Variants in PSEN1 observed in about 807,000 individuals in gnomAD.
PSEN1 encodes presenilin-1.
Under a neutral mutation model 53.5 loss-of-function variants are expected in PSEN1, and 15 were observed. The ratio of observed to expected loss-of-function variants is 0.28; its 90% CI spans 0.19 to 0.43. The LOEUF (loss-of-function observed/expected upper bound fraction) is 0.43. PSEN1 is among the 20% of genes least tolerant of loss of function. The pLI is 1.00. For missense variants in PSEN1, 387 were observed against 571.2 expected (o/e 0.68, Z 3.29); for synonymous variants, 208 against 209.8 (o/e 0.99, Z 0.08).
chr14:73,219,067 T>C, intron 11 of PSEN1, 67 bp from the exon 12 acceptor site: 4 of 1,534,970 alleles, frequency 2.6e-6, no homozygotes, highest in Non-Finnish European at 3.6e-6. Flanking sequence ...AGACTTGTGA[T>C]TGAGTTTTGC....
At chr14:73,210,718 A>G (rs1360635392) in intron 9 of PSEN1, among the ~76,000 whole-genome samples, 2 of 152,180 alleles carry the variant, frequency 1.3e-5, no homozygotes, top group African/African-American at 2.4e-5. Flanking sequence ...CAAAACTATC[A>G]ATACAAAATT....
intron 10 of PSEN1, among the ~76,000 whole-genome samples, chr14:73,216,771 A>T (rs930355910): frequency 8.5e-5 from 13 of 152,188 alleles, no homozygotes; most frequent in South Asian, 8.3e-4. Flanking sequence ...AAAAAAAAAA[A>T]ATATTAATTA....
At chr14:73,138,136 A>G (rs1896800501) in intron 1 of PSEN1, 1 of 151,624 alleles carries the variant, frequency 6.6e-6, no homozygotes. Context: ...TAGCATGCAG[A>G]CTGGGAGAAC....
intron 3 of PSEN1, among the ~76,000 whole-genome samples, chr14:73,151,895 T>TA (rs1491464395): frequency 2.7e-3 from 29 of 10,906 alleles, no homozygotes; most frequent in South Asian, 0.019. Context: ...TATATATATA[T>TA]TTTTTTTTTT....
chr14:73,201,506 AC>A lies in PSEN1; in HGVS notation c.868+3379del, dbSNP rs1899188341. 2.0e-5 allele frequency among the ~76,000 whole-genome samples: 3 copies of A among 152,308 alleles called. No homozygotes were observed. The South Asian group carries it at 6.2e-4, about 32-fold the overall frequency. ...AGAGCAGTTTCAGTAGAGTGATAGA[AC>A]CAGAAGCAGTACTCCAAAGGGAAGG... On this transcript the variant is annotated intron_variant, in intron 8 of 11. Coordinates refer to ENST00000324501, the MANE Select transcript of PSEN1 (RefSeq NM_000021.4).
At chr14:73,214,430 T>A (rs1379702643) in intron 10 of PSEN1, among the ~76,000 whole-genome samples, 1 of 151,246 alleles carries the variant, frequency 6.6e-6, no homozygotes, top group Non-Finnish European at 1.5e-5. Flanking sequence ...CTCAGGAGGC[T>A]GAGGCAGGAG....
At chr14:73,192,262 A>T (rs1439802898) in intron 6 of PSEN1, among the ~76,000 whole-genome samples, 1 of 151,790 alleles carries the variant, frequency 6.6e-6, no homozygotes, top group Non-Finnish European at 1.5e-5. Flanking sequence ...ACATGTTGAA[A>T]CCCTATCTGT....
At chr14:73,180,248 G>A (rs1024635207) in intron 5 of PSEN1, among the ~76,000 whole-genome samples, 2 of 152,184 alleles carry the variant, frequency 1.3e-5, no homozygotes, top group Admixed American at 1.3e-4. Flanking sequence ...GCCTCCCAAA[G>A]TGCTGGGACT....
intron 5 of PSEN1, among the ~76,000 whole-genome samples, chr14:73,183,292 ATT>A (rs34194809): frequency 2.5e-3 from 368 of 148,248 alleles, no homozygotes; most frequent in South Asian, 4.2e-3. Context: ...TAATTTTTGT[ATT>A]TTTTTTTTTT....
chr14:73,149,356 C>T (rs1040993324), intron 3 of PSEN1, among the ~76,000 whole-genome samples: 3 of 151,492 alleles, frequency 2.0e-5, no homozygotes, highest in Admixed American at 2.0e-4. Context: ...AGTTATGGTA[C>T]ATCTGGGCTG....
chr14:73,157,994 A>C (rs1237935831), intron 3 of PSEN1, among the ~76,000 whole-genome samples: 3 of 152,010 alleles, frequency 2.0e-5, no homozygotes, highest in African/African-American at 4.8e-5. Context: ...TAAAAAAAAA[A>C]CAAAACATAC....
Position 73,211,836 on chromosome 14 carries a change from A to G in PSEN1, c.1023A>G (p.Glu341=). 2 of 1,614,116 alleles carry G rather than the reference A, an allele frequency of 1.2e-6. No homozygotes were observed. The highest frequency in any genetic ancestry group is 1.7e-6 in the Non-Finnish European group (2 of 1,179,992). The part of the protein sequence containing the change: ...NDDGGFSEEW[E]AQRDSHLGPH... ...ATGGCGGGTTCAGTGAGGAATGGGA[A>G]GCCCAGAGGGACAGTCATCTAGGGC... Residue 341 remains glutamate, a synonymous_variant, in exon 10 of 12, where the codon GAA becomes GAG. Transcript: ENST00000324501.
chr14:73,206,032 G>C (rs1288045983), intron 8 of PSEN1: 1 of 262,728 alleles, frequency 3.8e-6, no homozygotes, highest in Non-Finnish European at 7.4e-6. Flanking sequence ...GCTTTTGTGA[G>C]CTCCAGTTTG....
At chr14:73,165,774 G>C (rs1396209825) in intron 3 of PSEN1, among the ~76,000 whole-genome samples, 1 of 145,340 alleles carries the variant, frequency 6.9e-6, no homozygotes, top group African/African-American at 2.5e-5. Flanking sequence ...AAGGTAGTGT[G>C]TGGCCGGGCG....
chr14:73,219,151 A>G lies in PSEN1; in HGVS notation c.1266A>G (p.Leu422=). 1 of 1,614,086 alleles carries G rather than the reference A, an allele frequency of 6.2e-7. No individual in the cohort carries two copies. The change falls in exon 12 of 12, where the codon TTA becomes TTG. Residue 422 remains leucine (L), a synonymous_variant. Transcript: ENST00000324501. The stretch of plus-strand genomic sequence containing the variant: ...CTCCACAGGGTTTGTGCCTTACATT[A>G]TTACTCCTTGCCATTTTCAAGAAAG... ...VAILIGLCLT[L]LLLAIFKKAL...
At chr14:73,143,930 A>C (rs539668175) in intron 1 of PSEN1, among the ~76,000 whole-genome samples, 1 of 136,266 alleles carries the variant, frequency 7.3e-6, no homozygotes, top group Admixed American at 7.9e-5. Context: ...TCAAGGCTGC[A>C]GTGAGCTATG....
chr14:73,211,997 A>G, intron 10 of PSEN1, 55 bp downstream of exon 10: 1 of 1,478,498 alleles, frequency 6.8e-7, no homozygotes. Flanking sequence ...TAGCTACATT[A>G]TCAACCTTTT....
chr14:73,200,927 T>G (rs970233821), intron 8 of PSEN1, among the ~76,000 whole-genome samples: 3 of 152,034 alleles, frequency 2.0e-5, no homozygotes, highest in Non-Finnish European at 4.4e-5. Context: ...GGTGCACACT[T>G]GTAATCCCAG....
At chr14:73,213,797 A>G (rs976986028) in intron 10 of PSEN1, among the ~76,000 whole-genome samples, 1 of 152,206 alleles carries the variant, frequency 6.6e-6, no homozygotes, top group Non-Finnish European at 1.5e-5. Flanking sequence ...AATCAAAACC[A>G]CTTCATACTC....
Sources: allele counts gnomAD v4.1 joint callset (sites outside exome capture counted in the v4.1 genomes callset), GRCh38; gene constraint gnomAD v4.1.1; transcripts MANE v1.5; gene names NCBI Gene and HGNC (gene_info 2026-07-23, HGNC 2026-07-21).